Variants in FILIP1L observed in about 807,000 individuals in gnomAD.
The protein encoded by FILIP1L is filamin A interacting protein 1 like.
Under a neutral mutation model 96.6 loss-of-function variants are expected in FILIP1L, and 55 were observed. The observed-to-expected ratio is 0.57, with a 90% confidence interval of 0.46 to 0.71. The LOEUF (loss-of-function observed/expected upper bound fraction) is 0.71, where lower values mean the gene tolerates loss of function less well. FILIP1L is among the 30% of genes least tolerant of loss of function. FILIP1L has a pLI of 0.00. For missense variants in FILIP1L, 1,304 were observed against 1,321.2 expected (o/e 0.99, Z 0.20); for synonymous variants, 467 against 473.9 (o/e 0.99, Z 0.19).
At chr3:99,836,930 T>G (rs1559650083) in intron 5 of FILIP1L, among the ~76,000 whole-genome samples, 2 of 152,200 alleles carry the variant, frequency 1.3e-5, no homozygotes. Flanking sequence ...AAGGACAGGA[T>G]AGCCTCCCTA....
At chr3:99,987,268 C>T (rs1391180695) in intron 1 of FILIP1L, among the ~76,000 whole-genome samples, 1 of 150,626 alleles carries the variant, frequency 6.6e-6, no homozygotes, top group Non-Finnish European at 1.5e-5. Context: ...GTGGCTCACT[C>T]CTGTAATCCC....
chr3:100,071,834 TTGGGCACCCAA>T (rs2065768659), intron 1 of FILIP1L, among the ~76,000 whole-genome samples: 1 of 152,200 alleles, frequency 6.6e-6, no homozygotes. Flanking sequence ...CTTACACTTA[TTGGGCACCCAA>T]CTTCATTATT....
chr3:99,923,162 T>C (rs1039941299), intron 4 of FILIP1L, among the ~76,000 whole-genome samples: 4 of 152,096 alleles, frequency 2.6e-5, no homozygotes, highest in African/African-American at 9.7e-5. Flanking sequence ...TGATGTATTC[T>C]AGGGTTCCCT....
At chr3:99,832,135 TC>T (rs911758910) in intron 5 of FILIP1L, among the ~76,000 whole-genome samples, 3 of 152,192 alleles carry the variant, frequency 2.0e-5, no homozygotes, top group Admixed American at 2.0e-4. Context: ...GCTTTTGTTT[TC>T]TAGGTAACTC....
At chr3:99,901,392 G>A (rs1706431197) in intron 4 of FILIP1L, among the ~76,000 whole-genome samples, 1 of 152,144 alleles carries the variant, frequency 6.6e-6, no homozygotes, top group Non-Finnish European at 1.5e-5. Flanking sequence ...AGTGACAAGC[G>A]ATGACTCATT....
chr3:100,109,721 G>A (rs1473360808), intron 1 of FILIP1L, among the ~76,000 whole-genome samples: 1 of 152,108 alleles, frequency 6.6e-6, no homozygotes, highest in Non-Finnish European at 1.5e-5. Flanking sequence ...TTTACCAATT[G>A]AAGGGGTTGT....
intron 4 of FILIP1L, among the ~76,000 whole-genome samples, chr3:99,881,932 C>T (rs1239267161): frequency 3.3e-5 from 5 of 152,044 alleles, no homozygotes; most frequent in African/African-American, 9.7e-5. Flanking sequence ...CAGAGAAAGA[C>T]CTGTGGATTC....
At chr3:100,111,418 T>G (rs1457285864) in intron 1 of FILIP1L, among the ~76,000 whole-genome samples, 3 of 152,208 alleles carry the variant, frequency 2.0e-5, no homozygotes, top group Non-Finnish European at 2.9e-5. Context: ...AAAACTTAGT[T>G]TATCTATCTG....
chr3:99,986,844 A>G (rs1709355931), intron 1 of FILIP1L, among the ~76,000 whole-genome samples: 1 of 152,210 alleles, frequency 6.6e-6, no homozygotes, highest in Non-Finnish European at 1.5e-5. Context: ...CCTCCACAGC[A>G]AAGAGTTATT....
At chr3:99,905,259 C>G (rs1214075821) in intron 4 of FILIP1L, among the ~76,000 whole-genome samples, 1 of 152,184 alleles carries the variant, frequency 6.6e-6, no homozygotes, top group Non-Finnish European at 1.5e-5. Flanking sequence ...TGTGCTGAAA[C>G]TCCCAAATTT....
At chr3:99,923,725 A>T (rs1707196357) in intron 4 of FILIP1L, among the ~76,000 whole-genome samples, 1 of 152,098 alleles carries the variant, frequency 6.6e-6, no homozygotes. Flanking sequence ...ATAACTGATC[A>T]TCTTATTTTC....
intron 1 of FILIP1L, among the ~76,000 whole-genome samples, chr3:100,107,606 G>A (rs575790070): frequency 6.6e-6 from 1 of 152,088 alleles, no homozygotes; most frequent in South Asian, 2.1e-4. Flanking sequence ...TTTTAAATTA[G>A]GAAAGAACAA....
intron 1 of FILIP1L, among the ~76,000 whole-genome samples, chr3:99,981,122 G>A (rs963030493): frequency 1.3e-5 from 2 of 152,144 alleles, no homozygotes; most frequent in Non-Finnish European, 2.9e-5. Flanking sequence ...CACTCTGTCC[G>A]AGCATTGTGC....
chr3:99,956,078 A>G (rs1708311570), intron 1 of FILIP1L, among the ~76,000 whole-genome samples: 1 of 152,130 alleles, frequency 6.6e-6, no homozygotes, highest in Non-Finnish European at 1.5e-5. Flanking sequence ...TCCAGCTTCA[A>G]ATGGGTCCTG....
At chr3:99,851,107 T>A in intron 4 of FILIP1L, 37 bp from the exon 5 acceptor site, 1 of 1,497,872 alleles carries the variant, frequency 6.7e-7, no homozygotes, top group Non-Finnish European at 8.9e-7. Context: ...TTGTGATTGA[T>A]GCTTTAGTAA....
intron 1 of FILIP1L, 48 bp from the exon 2 acceptor site, chr3:99,931,078 T>C: frequency 1.3e-6 from 2 of 1,483,740 alleles, no homozygotes; most frequent in Admixed American, 1.8e-5. Flanking sequence ...AATGGAGTTT[T>C]AATAAGAGTA....
intron 1 of FILIP1L, among the ~76,000 whole-genome samples, chr3:99,997,230 CAAG>C (rs1559719252): frequency 6.6e-6 from 1 of 152,034 alleles, no homozygotes; most frequent in East Asian, 1.9e-4. Context: ...CTAGACTAAC[CAAG>C]AAGAAGGTCC....
chr3:99,933,737 T>C (rs1234982131), intron 1 of FILIP1L, among the ~76,000 whole-genome samples: 1 of 152,234 alleles, frequency 6.6e-6, no homozygotes, highest in African/African-American at 2.4e-5. Context: ...CTATGTCCTT[T>C]GTCTTATATT....
At chr3:100,071,779 TTG>T (rs1283013224) in intron 1 of FILIP1L, among the ~76,000 whole-genome samples, 7 of 152,170 alleles carry the variant, frequency 4.6e-5, no homozygotes, top group African/African-American at 7.2e-5. Flanking sequence ...TCACCTCTTA[TTG>T]TCTTCTTCCT....
Sources: gnomAD v4.1 joint callset for allele counts (sites outside exome capture counted in the v4.1 genomes callset) on GRCh38, gnomAD v4.1.1 for gene constraint, MANE v1.5 for transcripts, NCBI Gene and HGNC (gene_info 2026-07-23, HGNC 2026-07-21) for gene names.